Variants in SKA1 observed in about 807,000 individuals in gnomAD.
SKA1 encodes the protein SKA complex subunit 1.
Under a neutral mutation model 31.8 loss-of-function variants are expected in SKA1, and 20 were observed. The ratio of observed to expected loss-of-function variants is 0.63; its 90% CI spans 0.44 to 0.91. The LOEUF (loss-of-function observed/expected upper bound fraction) is 0.91, where lower values mean the gene tolerates loss of function less well. Among genes scored for constraint, SKA1 ranks in the 40% least tolerant of loss-of-function variants. The probability of loss-of-function intolerance (pLI) is 0.00; values close to 1 mark genes in which losing one functional copy is unlikely to be tolerated. For missense variants in SKA1, 253 were observed against 298.2 expected (o/e 0.85, Z 1.12); for synonymous variants, 88 against 100.5 (o/e 0.88, Z 0.74).
At chr18:50,390,072 A>T (rs527369666) in intron 5 of SKA1, among the ~76,000 whole-genome samples, 2 of 152,294 alleles carry the variant, frequency 1.3e-5, no homozygotes, top group Non-Finnish European at 2.9e-5. Flanking sequence ...CTATTGAGGA[A>T]ATCAAGGTGG....
At chr18:50,390,481 G>C (rs1168124781) in intron 5 of SKA1, among the ~76,000 whole-genome samples, 2 of 152,224 alleles carry the variant, frequency 1.3e-5, no homozygotes, top group Admixed American at 6.5e-5. Flanking sequence ...GGAGGTTGAA[G>C]AGTAGAATTC....
In SKA1 at chr18:50,391,219, C is replaced by CA. The variant is rs762051701; in HGVS notation, c.551dup (p.Ser185ValfsTer15). On this transcript the variant is annotated frameshift_variant, in exon 6 of 7. Transcript: ENST00000285116. LOFTEE classifies it high-confidence loss of function. ...AGTAAATATAAAATCCTACATCAGC[C>CA]AAAAAAGTCTATGAATTCTGTGACC... The CA allele has an allele frequency of 5.9e-5, 95 of 1,604,402 alleles. No individual in the cohort carries two copies. Among genetic ancestry groups the CA allele is most frequent in the Non-Finnish European group, 7.6e-5 (90 of 1,177,538 alleles).
At chr18:50,391,491 G>C (rs1490870217) in intron 6 of SKA1, among the ~76,000 whole-genome samples, 198 bp downstream of exon 6, 6 of 152,178 alleles carry the variant, frequency 3.9e-5, no homozygotes, top group Admixed American at 6.5e-5. Flanking sequence ...GCATCTAGTA[G>C]GTAGAGGCCA....
chr18:50,387,728 G>C (rs1471503623), intron 5 of SKA1, among the ~76,000 whole-genome samples: 4 of 152,074 alleles, frequency 2.6e-5, no homozygotes, highest in Admixed American at 2.0e-4. Context: ...TGATTCTTCT[G>C]TAGAATTTCC....
intron 4 of SKA1, among the ~76,000 whole-genome samples, chr18:50,384,937 T>G (rs2149321470): frequency 6.8e-6 from 1 of 147,558 alleles, no homozygotes; most frequent in East Asian, 2.0e-4. Context: ...AGCTGTTAAC[T>G]TACTGACTTT....
intron 4 of SKA1, among the ~76,000 whole-genome samples, chr18:50,383,275 C>A (rs2149320771): frequency 6.6e-6 from 1 of 152,222 alleles, no homozygotes; most frequent in Non-Finnish European, 1.5e-5. Context: ...TTTTGCATAC[C>A]ACCTTTTTGT....
chr18:50,387,561 T>C (rs987208309), intron 5 of SKA1, among the ~76,000 whole-genome samples: 3 of 152,224 alleles, frequency 2.0e-5, no homozygotes, highest in African/African-American at 7.2e-5. Context: ...TTTGTATTTC[T>C]CTTTGCATTT....
intron 5 of SKA1, among the ~76,000 whole-genome samples, chr18:50,387,342 T>C (rs2041317773): frequency 6.6e-6 from 1 of 152,262 alleles, no homozygotes; most frequent in Non-Finnish European, 1.5e-5. Context: ...CATCTTTTCA[T>C]ATTGATATAC....
At chr18:50,381,968 A>G (rs2041267207) in intron 3 of SKA1, among the ~76,000 whole-genome samples, 161 bp from the exon 4 acceptor site, 1 of 151,660 alleles carries the variant, frequency 6.6e-6, no homozygotes, top group African/African-American at 2.4e-5. Context: ...CTCATGATCC[A>G]CCCGCCTTAG....
chr18:50,375,934 T>G lies in SKA1; in HGVS notation c.88+16T>G, dbSNP rs1018131596. 1 of 1,482,560 alleles carries G rather than the reference T, an allele frequency of 6.7e-7. No homozygotes were observed. The highest frequency in any genetic ancestry group is 1.8e-5 in the Admixed American group (1 of 56,604). 91.8% of individuals were successfully genotyped at this position (1,482,560 alleles called of 1,614,324 possible). A position where few individuals can be genotyped will look rare whatever the true frequency, so the allele number is the denominator to read the frequency against. On this transcript the variant is annotated intron_variant, in intron 2 of 6. Coordinates refer to ENST00000285116, the MANE Select transcript of SKA1 (RefSeq NM_145060.4). ...AGAAACTGTGGTAAGTAAAACAGATTCCACTGACTTTGTATATACAAAATG... is the reference window on the plus strand; with the variant it reads ...AGAAACTGTGGTAAGTAAAACAGATGCCACTGACTTTGTATATACAAAATG...
chr18:50,375,723 G>A, intron 1 of SKA1, 97 bp from the exon 2 acceptor site: 1 of 715,478 alleles, frequency 1.4e-6, no homozygotes, highest in Admixed American at 2.8e-5. Flanking sequence ...TCAAAGACAT[G>A]TGATTTACTT....
chr18:50,391,042 T>C, intron 5 of SKA1, 82 bp from the exon 6 acceptor site: 1 of 1,007,248 alleles, frequency 9.9e-7, no homozygotes, highest in Non-Finnish European at 1.4e-6. Flanking sequence ...TTGTACAAAG[T>C]CATCATACTT....
rs151213288 is a variant in SKA1 at position 50,390,108 on chromosome 18, A to C, written c.450-1016A>C. 3.2e-3 allele frequency among the ~76,000 whole-genome samples: 491 copies of C among 152,338 alleles called. 3 individuals carry two copies. Among genetic ancestry groups the C allele is most frequent in the African/African-American group, 0.011 (438 of 41,576 alleles). ...TAGTTGAGAAGATTTGAAGGAATAC[A>C]TAAGTGCATTGTGGAGAGCTGGGGT... is the stretch of plus-strand genomic sequence containing the variant. On this transcript the variant is annotated intron_variant, in intron 5 of 6. Transcript: ENST00000285116.
intron 4 of SKA1, among the ~76,000 whole-genome samples, chr18:50,383,336 C>T (rs1599726850): frequency 6.6e-6 from 1 of 152,096 alleles, no homozygotes; most frequent in Non-Finnish European, 1.5e-5. Context: ...AGTTGTCAGC[C>T]CACTTCTCTG....
At chr18:50,382,017 G>T (rs745654232) in intron 3 of SKA1, 112 bp from the exon 4 acceptor site, 2 of 680,772 alleles carry the variant, frequency 2.9e-6, no homozygotes, top group African/African-American at 2.0e-5. Context: ...GAGCCACCGC[G>T]TCCAGCCACA....
At chr18:50,375,957 A>AG in intron 2 of SKA1, 39 bp downstream of exon 2, 1 of 1,274,638 alleles carries the variant, frequency 7.8e-7, no homozygotes, top group Non-Finnish European at 1.1e-6. Context: ...TATATACAAA[A>AG]TGCATTTTGA....
At chr18:50,383,055 G>A (rs1467163099) in intron 4 of SKA1, among the ~76,000 whole-genome samples, 1 of 151,590 alleles carries the variant, frequency 6.6e-6, no homozygotes, top group Non-Finnish European at 1.5e-5. Flanking sequence ...ATAAATAAAA[G>A]CCAAAGGAAC....
intron 2 of SKA1, among the ~76,000 whole-genome samples, chr18:50,378,217 A>G (rs769802626): frequency 7.2e-5 from 11 of 152,220 alleles, no homozygotes; most frequent in South Asian, 2.1e-4. Context: ...TTGAATTCAC[A>G]TGACCCACCA....
At chr18:50,385,169 C>G (rs373056743) in intron 4 of SKA1, 47 bp from the exon 5 acceptor site, 11 of 1,492,934 alleles carry the variant, frequency 7.4e-6, no homozygotes, top group African/African-American at 1.4e-5. Flanking sequence ...CAGTATGCTG[C>G]TTATTTCTGA....
Sources: allele counts gnomAD v4.1 joint callset (sites outside exome capture counted in the v4.1 genomes callset), GRCh38; gene constraint gnomAD v4.1.1; transcripts MANE v1.5; gene names NCBI Gene and HGNC (gene_info 2026-07-23, HGNC 2026-07-21).